The following URB2 variants were observed in gnomAD, a reference collection of about 807,000 sequenced individuals.
URB2 encodes URB2 ribosome biogenesis homolog.
URB2 carries 86 observed loss-of-function variants against 120.9 expected under a neutral mutation model. The ratio of observed to expected loss-of-function variants is 0.71; its 90% CI spans 0.60 to 0.85. The LOEUF (loss-of-function observed/expected upper bound fraction) is 0.85. URB2 is among the 40% of genes least tolerant of loss of function. The pLI, the probability that URB2 is intolerant of heterozygous loss-of-function variation, is 0.00. For missense variants in URB2, 1,765 were observed against 1,836.5 expected (o/e 0.96, Z 0.71); for synonymous variants, 755 against 758.4 (o/e 1.00, Z 0.07).
At position 229,638,051 on chromosome 1, in the gene URB2, G is replaced by T; in HGVS notation, c.3438G>T (p.Thr1146=). 1.2e-6 allele frequency: 2 copies of T among 1,613,800 alleles called. No individual in the cohort carries two copies. The highest frequency in any genetic ancestry group is 1.7e-6 in the Non-Finnish European group (2 of 1,179,780). ...GADISQGSDR[T]LLSHVALYQG... is the part of the protein sequence containing the mutation. ...ACATTTCCCAAGGAAGCGACAGGAC[G>T]CTGCTCTCCCATGTTGCCCTCTACC... is the stretch of plus-strand genomic sequence containing the variant. The change falls in exon 4 of 10, where the codon ACG becomes ACT. Residue 1146 remains threonine, a synonymous_variant. Transcript: ENST00000258243.
At chr1:229,639,875 G>A (rs951675636) in intron 4 of URB2, among the ~76,000 whole-genome samples, 5 of 152,152 alleles carry the variant, frequency 3.3e-5, no homozygotes, top group Admixed American at 6.5e-5. Flanking sequence ...GCACAGAGTC[G>A]ACCTTTACAG....
rs898536178 is a variant in URB2 at position 229,659,791 on chromosome 1, A to T, written c.*494A>T. 6.5e-6 allele frequency: 1 copy of T among 153,816 alleles called. No individual in the cohort carries two copies. Among genetic ancestry groups the T allele is most frequent in the Admixed American group, 6.4e-5 (1 of 15,624 alleles). 9.5% of individuals were successfully genotyped at this position (153,816 alleles called of 1,614,324 possible). ...TCCCTCTAAGTATGCTTTCTGAAGA[A>T]GTCAGGGAAAGTTAGAGTCTGTGGC... On this transcript the variant is annotated 3_prime_UTR_variant, in exon 10 of 10. Transcript: ENST00000258243.
intron 9 of URB2, 25 bp from the exon 10 acceptor site, chr1:229,659,075 C>T (rs758776059): frequency 6.2e-7 from 1 of 1,603,114 alleles, no homozygotes; most frequent in South Asian, 1.1e-5. Flanking sequence ...CAATTGTTCT[C>T]ACAGAGGTTT....
chr1:229,646,918 A>G (rs1414537847), intron 6 of URB2, among the ~76,000 whole-genome samples: 1 of 152,184 alleles, frequency 6.6e-6, no homozygotes, highest in Non-Finnish European at 1.5e-5. Context: ...AACAGACTTA[A>G]TATTCTCTCT....
Position 229,656,525 on chromosome 1 carries a change from G to C in URB2, c.4377+2137G>C, listed in dbSNP as rs1666410255. Among the ~76,000 whole-genome samples, 5 of 152,172 alleles carry C rather than the reference G, an allele frequency of 3.3e-5. No homozygotes were observed. In the South Asian group the frequency reaches 1.0e-3, roughly 32 times the overall value. ...ATCTTTCATTTTGTTTTTAAATTCAGCAATGAAGAAAATATTCCATATGCA... is the reference window on the plus strand; with the variant it reads ...ATCTTTCATTTTGTTTTTAAATTCACCAATGAAGAAAATATTCCATATGCA... On this transcript the variant is annotated intron_variant, in intron 9 of 9. Coordinates refer to ENST00000258243, the MANE Select transcript of URB2 (RefSeq NM_014777.4).
chr1:229,642,259 A>C (rs1666029847), intron 4 of URB2, among the ~76,000 whole-genome samples: 1 of 152,164 alleles, frequency 6.6e-6, no homozygotes, highest in African/African-American at 2.4e-5. Context: ...GGAGCCTTTC[A>C]TGTGAGGGCA....
chr1:229,653,327 T>G (rs926841403), intron 8 of URB2, among the ~76,000 whole-genome samples: 1 of 152,232 alleles, frequency 6.6e-6, no homozygotes, highest in African/African-American at 2.4e-5. Flanking sequence ...AACAAATTGC[T>G]TCTGTTTAAA....
At chr1:229,653,108 ACAGT>A (rs1474334979) in intron 8 of URB2, among the ~76,000 whole-genome samples, 1 of 152,250 alleles carries the variant, frequency 6.6e-6, no homozygotes, top group Non-Finnish European at 1.5e-5. Context: ...AAGAGAAGAA[ACAGT>A]CAATGTTAGA....
rs754210935 is a variant in URB2 at position 229,627,735 on chromosome 1, G to A, written c.102G>A (p.Gln34=). The change falls in exon 2 of 10, where the codon CAG becomes CAA. Residue 34 remains glutamine (Q), a synonymous_variant. Coordinates refer to ENST00000258243, the MANE Select transcript of URB2 (RefSeq NM_014777.4). ...KLAHFAWISH[Q]CFLPNKEQVL... is the part of the protein sequence containing the mutation. ...CTCACTTTGCTTGGATTTCTCACCAGTGCTTTCTTCCAAATAAAGAACAAG... is the reference window on the plus strand; with the variant it reads ...CTCACTTTGCTTGGATTTCTCACCAATGCTTTCTTCCAAATAAAGAACAAG... 2 of 1,610,836 alleles carry A rather than the reference G, an allele frequency of 1.2e-6. No individual in the cohort carries two copies. The highest frequency in any genetic ancestry group is 1.7e-6 in the Non-Finnish European group (2 of 1,178,412).
chr1:229,639,594 C>T (rs139333733), intron 4 of URB2, among the ~76,000 whole-genome samples: 18 of 152,266 alleles, frequency 1.2e-4, no homozygotes, highest in African/African-American at 4.1e-4. Flanking sequence ...CCTCAGCCTC[C>T]CAAAGTACTG....
In URB2 at chr1:229,637,865, G is replaced by C; in HGVS notation, c.3252G>C (p.Leu1084=). 1.2e-6 allele frequency: 2 copies of C among 1,601,550 alleles called. No homozygotes were observed. Residue 1084 remains leucine, a synonymous_variant, in exon 4 of 10, where the codon CTG becomes CTC. Transcript: ENST00000258243. ...QKLGQEAPAA[L]SELLQQVVLQ... is the part of the protein sequence containing the mutation. ...TGGGCCAAGAGGCCCCAGCAGCACT[G>C]TCTGAGCTGCTGCAGCAGGTTGTGC...
chr1:229,637,722 A>G lies in URB2; in HGVS notation c.3109A>G (p.Thr1037Ala). 1 of 1,614,204 alleles carries G rather than the reference A, an allele frequency of 6.2e-7. No homozygotes were observed. The highest frequency in any genetic ancestry group is 8.5e-7 in the Non-Finnish European group (1 of 1,180,040). The change falls in exon 4 of 10, where the codon ACG (threonine) becomes GCG (alanine). Residue 1037 changes from threonine (T) to alanine (A), a missense_variant. Transcript: ENST00000258243. The stretch of plus-strand genomic sequence containing the variant: ...ATTCCTCTCTAGTTCCAAACCATAC[A>G]CGGAGGCAGCTTCAAGCAAACAATT... ...TAFLSSSKPYTEAASSKQLEN... is the reference protein window; with the variant it reads ...TAFLSSSKPYAEAASSKQLEN...
At chr1:229,655,434 A>G (rs1256391844) in intron 9 of URB2, among the ~76,000 whole-genome samples, 2 of 152,156 alleles carry the variant, frequency 1.3e-5, no homozygotes, top group Non-Finnish European at 2.9e-5. Flanking sequence ...GGGTCTTGCC[A>G]TGTTGGCCAG....
intron 2 of URB2, among the ~76,000 whole-genome samples, chr1:229,631,365 G>A (rs1027131591): frequency 1.3e-5 from 2 of 152,204 alleles, no homozygotes; most frequent in Non-Finnish European, 2.9e-5. Flanking sequence ...TCTATCATTT[G>A]TTGTTCACTG....
chr1:229,647,262 C>T (rs1666167446), intron 6 of URB2, among the ~76,000 whole-genome samples: 1 of 152,176 alleles, frequency 6.6e-6, no homozygotes, highest in African/African-American at 2.4e-5. Flanking sequence ...TCCCAGGTTA[C>T]TTAGGTAAGA....
Position 229,636,053 on chromosome 1 carries a change from A to G in URB2, c.1440A>G (p.Pro480=). 1 of 1,614,198 alleles carries G rather than the reference A, an allele frequency of 6.2e-7. No homozygotes were observed. The highest frequency in any genetic ancestry group is 1.1e-5 in the South Asian group (1 of 91,082). The stretch of plus-strand genomic sequence containing the variant: ...AGGTTTTGGGGGTGATCTGTCGTCC[A>G]GCTGCTGAGGCACTGAGGCAGCCTG... ...FEEVLGVICR[P]AAEALRQPVL... The change falls in exon 4 of 10, where the codon CCA becomes CCG. Residue 480 remains proline (P), a synonymous_variant. Transcript: ENST00000258243.
chr1:229,638,443 A>C (rs147073243), intron 4 of URB2, among the ~76,000 whole-genome samples, 196 bp downstream of exon 4: 195 of 152,118 alleles, frequency 1.3e-3, no homozygotes, highest in African/African-American at 4.1e-3. Context: ...CAGGAGATCG[A>C]GACCATCCTG....
chr1:229,651,256 T>C lies in URB2; in HGVS notation c.4171T>C (p.Ser1391Pro). The C allele has an allele frequency of 6.2e-7, 1 of 1,610,838 alleles. No individual in the cohort carries two copies. ...HPKVMLKAIP[S>P]FLNSFNRLVF... ...ACAGGTAATGCTGAAAGCCATCCCT[T>C]CTTTCTTGAACTCTTTCAATAGATT... The change falls in exon 8 of 10, where the codon TCT becomes CCT. Residue 1391 changes from serine to proline, a missense_variant. Physicochemically the swap from Ser to Pro is moderately conservative, Grantham distance 74 (BLOSUM62 -1). Transcript: ENST00000258243.
chr1:229,642,245 AATGGGAGCCTTTCAT>A (rs1666029608), intron 4 of URB2, among the ~76,000 whole-genome samples: 1 of 152,102 alleles, frequency 6.6e-6, no homozygotes, highest in Non-Finnish European at 1.5e-5. Flanking sequence ...GGCAGGTGGA[AATGGGAGCCTTTCAT>A]GTGAGGGCAC....
Sources: gnomAD v4.1 joint callset for allele counts (sites outside exome capture counted in the v4.1 genomes callset) on GRCh38, gnomAD v4.1.1 for gene constraint, MANE v1.5 for transcripts, NCBI Gene and HGNC (gene_info 2026-07-23, HGNC 2026-07-21) for gene names.